Variants in PRICKLE2 observed in about 807,000 individuals in gnomAD.
The protein encoded by PRICKLE2 is prickle planar cell polarity protein 2.
In PRICKLE2, 21 loss-of-function variants were observed where a neutral mutation model predicts 81.4. That is an observed-to-expected ratio of 0.26 (90% confidence interval 0.18 to 0.37). The LOEUF (loss-of-function observed/expected upper bound fraction) is 0.37, where lower values mean the gene tolerates loss of function less well. PRICKLE2 is among the 10% of genes least tolerant of loss of function. The probability of loss-of-function intolerance (pLI) is 1.00; values close to 1 mark genes in which losing one functional copy is unlikely to be tolerated. For missense variants in PRICKLE2, 940 were observed against 1,109.0 expected (o/e 0.85, Z 2.16); for synonymous variants, 456 against 421.5 (o/e 1.08, Z -1.00).
At chr3:64,212,577 C>A (rs1415912819) in intron 1 of PRICKLE2, among the ~76,000 whole-genome samples, 1 of 152,160 alleles carries the variant, frequency 6.6e-6, no homozygotes. Context: ...TAAACTTATA[C>A]AGACAAGATC....
At chr3:64,140,247 A>T (rs2077340144) in intron 7 of PRICKLE2, among the ~76,000 whole-genome samples, 1 of 152,208 alleles carries the variant, frequency 6.6e-6, no homozygotes, top group Admixed American at 6.5e-5. Flanking sequence ...CAGAGCTATT[A>T]AACTATAAGT....
chr3:64,162,541 A>C (rs1057238380), intron 3 of PRICKLE2, among the ~76,000 whole-genome samples: 3 of 152,228 alleles, frequency 2.0e-5, no homozygotes, highest in Admixed American at 2.0e-4. Flanking sequence ...TCGAAGCTAC[A>C]AATCTGGACA....
rs1217042878 is a variant in PRICKLE2, at chr3:64,097,464, A to G, written c.*1587T>C. The stretch of plus-strand genomic sequence containing the variant: ...GTGGGTCATCCGATGGATTATTTCA[A>G]CTGCCACAATCCATTAAGGGGAGGA... On this transcript the variant is annotated 3_prime_UTR_variant, in exon 8 of 8. Coordinates refer to ENST00000638394, the MANE Select transcript of PRICKLE2 (RefSeq NM_198859.4). The G allele has an allele frequency of 6.6e-6, 1 of 152,624 alleles. No individual in the cohort carries two copies. Among genetic ancestry groups the G allele is most frequent in the Non-Finnish European group, 1.5e-5 (1 of 68,042 alleles). 9.5% of individuals were successfully genotyped at this position (152,624 alleles called of 1,614,324 possible).
intron 7 of PRICKLE2, among the ~76,000 whole-genome samples, chr3:64,109,968 G>T (rs76109759): frequency 2.0e-5 from 3 of 152,028 alleles, no homozygotes; most frequent in Non-Finnish European, 2.9e-5. Flanking sequence ...ATTAACTTCC[G>T]GATAAATCAG....
intron 1 of PRICKLE2, among the ~76,000 whole-genome samples, chr3:64,211,847 G>C (rs908877535): frequency 1.3e-5 from 2 of 152,176 alleles, no homozygotes; most frequent in Non-Finnish European, 2.9e-5. Flanking sequence ...GAGTAGGAGA[G>C]GTTTCTAGGA....
At chr3:64,217,502 T>G (rs180949859) in intron 1 of PRICKLE2, among the ~76,000 whole-genome samples, 2 of 152,308 alleles carry the variant, frequency 1.3e-5, no homozygotes, top group East Asian at 3.9e-4. Flanking sequence ...TTCACATTCG[T>G]AAGAACGAAT....
chr3:64,162,146 C>A (rs181340267), intron 3 of PRICKLE2, among the ~76,000 whole-genome samples: 3 of 151,978 alleles, frequency 2.0e-5, no homozygotes, highest in African/African-American at 4.8e-5. Flanking sequence ...GGATTCAGCT[C>A]GTGGGTTGGA....
At chr3:64,234,111 A>G (rs1454224560) in intron 2 of PRICKLE2, among the ~76,000 whole-genome samples, 1 of 152,202 alleles carries the variant, frequency 6.6e-6, no homozygotes, top group African/African-American at 2.4e-5. Flanking sequence ...GATTATAAAT[A>G]ATGCTACTAT....
upstream of PRICKLE2, among the ~76,000 whole-genome samples, chr3:64,228,549 CAAATTATACTGGTAGGTATTAGAA>C (rs1367150717): frequency 1.3e-4 from 18 of 143,714 alleles, no homozygotes; most frequent in Admixed American, 1.2e-3. Context: ...TTTTTTTTTA[CAAATTATACTGGTAGGTATTAGAA>C]AAAGTGAGAA....
intron 2 of PRICKLE2, among the ~76,000 whole-genome samples, chr3:64,192,521 C>T (rs2078361979): frequency 1.3e-5 from 2 of 152,202 alleles, no homozygotes; most frequent in African/African-American, 4.8e-5. Context: ...TTTAATCTGA[C>T]ACCTGATGGA....
chr3:64,159,600 G>C (rs1274856095), intron 4 of PRICKLE2, among the ~76,000 whole-genome samples: 1 of 152,160 alleles, frequency 6.6e-6, no homozygotes, highest in African/African-American at 2.4e-5. Context: ...AAATCTGCAA[G>C]ACTCTCTCCC....
intron 5 of PRICKLE2, among the ~76,000 whole-genome samples, chr3:64,156,194 C>T (rs2077632733): frequency 6.6e-6 from 1 of 152,158 alleles, no homozygotes; most frequent in Non-Finnish European, 1.5e-5. Context: ...TTCCAGCTAT[C>T]TTTCTAGAAG....
At chr3:64,172,454 C>T (rs956090106) in intron 2 of PRICKLE2, among the ~76,000 whole-genome samples, 5 of 152,134 alleles carry the variant, frequency 3.3e-5, no homozygotes, top group East Asian at 1.9e-4. Context: ...GTTTGGGTTC[C>T]AATAATGGAT....
Position 64,147,223 on chromosome 3 carries a change from T to C in PRICKLE2, c.1267A>G (p.Asn423Asp), listed in dbSNP as rs751470740. The C allele has an allele frequency of 6.2e-7, 1 of 1,610,052 alleles. No individual in the cohort carries two copies. Among genetic ancestry groups the C allele is most frequent in the South Asian group, 1.1e-5 (1 of 90,648 alleles). The change falls in exon 7 of 8, where the codon AAC becomes GAC. Residue 423 changes from asparagine to aspartate, a missense_variant. By Grantham distance (23) the Asn-to-Asp change is conservative. Around this residue, in one of 2 missense-constraint regions of PRICKLE2, gnomAD observed 670 missense variants for 717.2 expected, o/e 0.93. Transcript: ENST00000638394. This position sits in a 1 kb window ranked among gnomAD's most constrained non-coding sequence, Gnocchi z 5.0. ...QSPLQLLSQC[N>D]IRTSYSPGGQ... ...CCTGGACTGTAGGAAGTTCTGATGT[T>C]GCACTGGCTGAGGAGCTGCAGAGGG... is the stretch of plus-strand genomic sequence containing the variant.
intron 2 of PRICKLE2, among the ~76,000 whole-genome samples, chr3:64,175,341 G>A (rs1043750882): frequency 2.6e-5 from 4 of 152,262 alleles, no homozygotes; most frequent in Admixed American, 6.5e-5. Context: ...TTAGTTGCTA[G>A]TGTAAGGAGT....
intron 2 of PRICKLE2, among the ~76,000 whole-genome samples, chr3:64,175,555 CTG>C (rs2078008806): frequency 6.6e-6 from 1 of 152,158 alleles, no homozygotes; most frequent in African/African-American, 2.4e-5. Context: ...TCATATGAAA[CTG>C]AATTGTTTTA....
chr3:64,180,539 T>C (rs1038102756), intron 2 of PRICKLE2, among the ~76,000 whole-genome samples: 3 of 34,744 alleles, frequency 8.6e-5, no homozygotes, highest in Non-Finnish European at 2.6e-4. Context: ...AATTTGAGAA[T>C]GATTTTTTTT....
At chr3:64,239,650 A>C (rs567516893) in intron 2 of PRICKLE2, among the ~76,000 whole-genome samples, 1 of 152,318 alleles carries the variant, frequency 6.6e-6, no homozygotes, top group East Asian at 1.9e-4. Flanking sequence ...CATTTACTGC[A>C]GACACAAATC....
chr3:64,179,027 C>CTTTCT (rs1553648507), intron 2 of PRICKLE2, among the ~76,000 whole-genome samples: 1 of 122,642 alleles, frequency 8.2e-6, no homozygotes, highest in Non-Finnish European at 1.8e-5. Context: ...TTCTTTCTTT[C>CTTTCT]TTTCTTTCTT....
Sources: allele counts gnomAD v4.1 joint callset (sites outside exome capture counted in the v4.1 genomes callset), GRCh38; gene constraint gnomAD v4.1.1; regional missense constraint gnomAD v4.1.1; non-coding constraint Gnocchi (gnomAD v3.1); transcripts MANE v1.5; gene names NCBI Gene and HGNC (gene_info 2026-07-23, HGNC 2026-07-21).